The following ST18 variants were observed in gnomAD, a reference collection of about 807,000 sequenced individuals.
ST18 encodes ST18 C2H2C-type zinc finger transcription factor.
ST18 carries 50 observed loss-of-function variants against 110.0 expected under a neutral mutation model. That is an observed-to-expected ratio of 0.45 (90% CI 0.36 to 0.58). ST18 has a LOEUF of 0.58. Ranked by LOEUF, ST18 falls within the 20% of genes least tolerant of loss-of-function variation. ST18 has a pLI of 0.00. For synonymous variants in ST18, 461 were observed against 452.4 expected, an observed-to-expected ratio of 1.02 and a Z score of -0.24; for missense variants, 1,306 against 1,280.1, an observed-to-expected ratio of 1.02 and a Z score of -0.31.
At chr8:52,401,002 C>A (rs1055082030) in intron 2 of ST18, among the ~76,000 whole-genome samples, 3 of 152,240 alleles carry the variant, frequency 2.0e-5, no homozygotes, top group Admixed American at 2.0e-4. Flanking sequence ...TCTTATAAGG[C>A]AGGTCTAGTA....
chr8:52,358,023 TA>T (rs981247511), intron 2 of ST18, among the ~76,000 whole-genome samples: 2 of 151,744 alleles, frequency 1.3e-5, no homozygotes, highest in African/African-American at 4.8e-5. Context: ...CACAATAGAA[TA>T]AAAGTTGAAA....
At chr8:52,314,457 ACCTGTCC>A (rs1376342551) in intron 2 of ST18, among the ~76,000 whole-genome samples, 2 of 152,128 alleles carry the variant, frequency 1.3e-5, no homozygotes, top group Admixed American at 1.3e-4. Flanking sequence ...ACATTACTGT[ACCTGTCC>A]CCTTGAGAGT....
chr8:52,305,047 C>T (rs957700673), intron 2 of ST18, among the ~76,000 whole-genome samples: 3 of 152,124 alleles, frequency 2.0e-5, no homozygotes, highest in African/African-American at 7.2e-5. Context: ...GTAGGAAGTA[C>T]ATTGTGCTGA....
At chr8:52,395,532 G>A (rs1386752734) in intron 2 of ST18, among the ~76,000 whole-genome samples, 1 of 152,178 alleles carries the variant, frequency 6.6e-6, no homozygotes, top group East Asian at 1.9e-4. Flanking sequence ...TGGCTTAGGT[G>A]CTAGAACCAT....
rs564748179 is a variant in ST18, at chr8:52,337,901, T to G, written c.-465+71427A>C. On this transcript the variant is annotated intron_variant, in intron 2 of 25. Coordinates refer to ENST00000689386, the MANE Select transcript of ST18 (RefSeq NM_001352837.2). ...GAGGTTTTCCTTCTGTTTCCCAAGTTTTAAGTTCAAACTGACCTACAACTA... is the reference window on the plus strand; with the variant it reads ...GAGGTTTTCCTTCTGTTTCCCAAGTGTTAAGTTCAAACTGACCTACAACTA... Among the ~76,000 whole-genome samples the G allele has an allele frequency of 2.2e-4, 33 of 152,310 alleles. No individual in the cohort carries two copies. In the East Asian group the frequency reaches 6.4e-3, roughly 29 times the overall value.
intron 2 of ST18, among the ~76,000 whole-genome samples, chr8:52,392,974 TC>T (rs1177341808): frequency 6.6e-6 from 1 of 152,208 alleles, no homozygotes; most frequent in Non-Finnish European, 1.5e-5. Flanking sequence ...TAGCCTCTGA[TC>T]CTTTGTTACT....
intron 2 of ST18, among the ~76,000 whole-genome samples, chr8:52,408,734 A>G (rs955154606): frequency 6.6e-6 from 1 of 152,338 alleles, no homozygotes; most frequent in East Asian, 1.9e-4. Flanking sequence ...TAGAGATTTT[A>G]AAAAATCTTA....
intron 23 of ST18, among the ~76,000 whole-genome samples, chr8:52,122,441 A>G (rs1198628836): frequency 6.6e-6 from 1 of 151,932 alleles, no homozygotes; most frequent in Admixed American, 6.6e-5. Flanking sequence ...TATTTCAAAC[A>G]AATTCTATTA....
rs191513383 is a variant in ST18 at position 52,389,924 on chromosome 8, C to T, written c.-465+19404G>A. 9.2e-5 allele frequency among the ~76,000 whole-genome samples: 14 copies of T among 152,192 alleles called. No homozygotes were observed. The East Asian group carries it at 2.7e-3, about 29-fold the overall frequency. ...TATTGTGCATTTTTCCGTATATTTA[C>T]TCCAACAACAACAACAACAACAACA... On this transcript the variant is annotated intron_variant, in intron 2 of 25. Coordinates refer to ENST00000689386, the MANE Select transcript of ST18 (RefSeq NM_001352837.2).
At chr8:52,353,423 A>C (rs759401564) in intron 2 of ST18, among the ~76,000 whole-genome samples, 2 of 152,248 alleles carry the variant, frequency 1.3e-5, no homozygotes, top group African/African-American at 4.8e-5. Flanking sequence ...GGGCACAACA[A>C]ATAATGGTAC....
At chr8:52,403,746 G>A (rs981504618) in intron 2 of ST18, 3 of 152,166 alleles carry the variant, frequency 2.0e-5, no homozygotes, top group African/African-American at 4.8e-5. Context: ...GGGTAGTCCA[G>A]GAAATGGGTG....
intron 2 of ST18, among the ~76,000 whole-genome samples, chr8:52,408,466 G>A (rs1395873862): frequency 6.6e-6 from 1 of 152,280 alleles, no homozygotes; most frequent in Admixed American, 6.5e-5. Context: ...CCACAGTCAC[G>A]AGACAGAAAA....
rs757228821 is a variant in ST18, at chr8:52,113,347, A to C, written c.3004-9T>G. The C allele has an allele frequency of 6.2e-7, 1 of 1,613,276 alleles. No individual in the cohort carries two copies. The highest frequency in any genetic ancestry group is 8.5e-7 in the Non-Finnish European group (1 of 1,179,564). On this transcript the variant is annotated splice_polypyrimidine_tract_variant and intron_variant, in intron 25 of 25. Transcript: ENST00000689386. ...TGCTCACTGATAGGTCCCTAAATGG[A>C]GACAAAACACATTGACCCAATCACA... is the stretch of plus-strand genomic sequence containing the variant.
intron 2 of ST18, among the ~76,000 whole-genome samples, chr8:52,344,544 G>A (rs1288218509): frequency 6.6e-6 from 1 of 152,038 alleles, no homozygotes; most frequent in Non-Finnish European, 1.5e-5. Context: ...GGGATTACGG[G>A]GGCCCACCAC....
intron 8 of ST18, among the ~76,000 whole-genome samples, chr8:52,201,731 T>C (rs1317390476): frequency 6.6e-6 from 1 of 152,234 alleles, no homozygotes; most frequent in African/African-American, 2.4e-5. Flanking sequence ...GCAGTCACTT[T>C]GCTTCCTGAC....
At chr8:52,144,765 G>C (rs926889606) in intron 16 of ST18, among the ~76,000 whole-genome samples, 3 of 152,128 alleles carry the variant, frequency 2.0e-5, no homozygotes, top group African/African-American at 7.2e-5. Context: ...AGGATGCAAA[G>C]AGAAGTGCTA....
At chr8:52,387,543 A>G (rs1837316392) in intron 2 of ST18, among the ~76,000 whole-genome samples, 1 of 152,102 alleles carries the variant, frequency 6.6e-6, no homozygotes. Context: ...GCTGTTTTTT[A>G]TAGGTCAGGC....
chr8:52,165,928 C>T (rs2062829213), intron 11 of ST18, among the ~76,000 whole-genome samples: 1 of 152,204 alleles, frequency 6.6e-6, no homozygotes. Context: ...TAGAAGGTGG[C>T]AGCCCTCTGC....
chr8:52,293,310 G>C (rs1192421852), intron 2 of ST18, among the ~76,000 whole-genome samples: 1 of 152,222 alleles, frequency 6.6e-6, no homozygotes. Context: ...TGACTCTGCT[G>C]CATGAACCAG....
Sources: allele counts gnomAD v4.1 joint callset (sites outside exome capture counted in the v4.1 genomes callset), GRCh38; gene constraint gnomAD v4.1.1; transcripts MANE v1.5; gene names NCBI Gene and HGNC (gene_info 2026-07-23, HGNC 2026-07-21).